CAMTA1: variants seen among roughly 807,000 people sequenced by gnomAD.
The protein encoded by CAMTA1 is calmodulin-binding transcription activator 1.
In CAMTA1, 27 loss-of-function variants were observed where a neutral mutation model predicts 170.9. That is an observed-to-expected ratio of 0.16 (90% confidence interval 0.12 to 0.22). The LOEUF is 0.22. CAMTA1 is among the 10% of genes least tolerant of loss of function. The pLI, the probability that CAMTA1 is intolerant of heterozygous loss-of-function variation, is 1.00. For synonymous variants in CAMTA1, 833 were observed against 891.5 expected (o/e 0.93, Z 1.17); for missense variants, 1,619 against 2,217.2 (o/e 0.73, Z 5.42).
At chr1:7,691,948 G>GAGGGAAGGAAGGGAGGGAGGA (rs2096318607) in intron 11 of CAMTA1, among the ~76,000 whole-genome samples, 1 of 143,510 alleles carries the variant, frequency 7.0e-6, no homozygotes, top group Admixed American at 6.9e-5. Flanking sequence ...TTCTTCAAGG[G>GAGGGAAGGAAGGGAGGGAGGA]AGGGAAGGAA....
At chr1:6,922,849 T>C (rs1358790458) in intron 3 of CAMTA1, among the ~76,000 whole-genome samples, 1 of 152,158 alleles carries the variant, frequency 6.6e-6, no homozygotes. Flanking sequence ...GGCCAGGTTT[T>C]AATTTGGAGC....
intron 5 of CAMTA1, among the ~76,000 whole-genome samples, chr1:7,307,954 A>T (rs1291520557): frequency 6.6e-6 from 1 of 151,926 alleles, no homozygotes; most frequent in Non-Finnish European, 1.5e-5. Context: ...ATTTAGTAAA[A>T]TTTGTCAGGG....
intron 4 of CAMTA1, among the ~76,000 whole-genome samples, chr1:7,240,785 C>T (rs142408963): frequency 1.3e-5 from 2 of 152,248 alleles, no homozygotes; most frequent in East Asian, 1.9e-4. Context: ...AGATTACACA[C>T]GTGAGCCACC....
chr1:7,297,718 T>C (rs901983123), intron 5 of CAMTA1, among the ~76,000 whole-genome samples: 4 of 152,240 alleles, frequency 2.6e-5, no homozygotes, highest in Non-Finnish European at 5.9e-5. Flanking sequence ...TCCTATAATC[T>C]AGGCTGCTGT....
At chr1:7,526,065 T>C (rs1292156352) in intron 6 of CAMTA1, among the ~76,000 whole-genome samples, 2 of 152,004 alleles carry the variant, frequency 1.3e-5, no homozygotes, top group African/African-American at 2.4e-5. Context: ...TCAAGATTAA[T>C]GCAAAAAATC....
intron 5 of CAMTA1, among the ~76,000 whole-genome samples, chr1:7,416,737 T>C (rs965762361): frequency 6.6e-6 from 1 of 152,256 alleles, no homozygotes; most frequent in Non-Finnish European, 1.5e-5. Flanking sequence ...AGTTTGATTG[T>C]CTGAAGACTT....
intron 3 of CAMTA1, among the ~76,000 whole-genome samples, chr1:6,994,918 T>G (rs1020156527): frequency 6.6e-6 from 1 of 152,204 alleles, no homozygotes; most frequent in African/African-American, 2.4e-5. Context: ...TCCTCCCGCC[T>G]TGGCCTCTCA....
intron 4 of CAMTA1, among the ~76,000 whole-genome samples, chr1:7,175,409 C>T (rs1650585324): frequency 1.3e-5 from 2 of 152,206 alleles, no homozygotes; most frequent in Non-Finnish European, 1.5e-5. Flanking sequence ...TCAAGAAAGC[C>T]AGAGTATCTT....
intron 3 of CAMTA1, among the ~76,000 whole-genome samples, chr1:6,840,600 T>C (rs1025339483): frequency 6.6e-6 from 1 of 151,942 alleles, no homozygotes; most frequent in Non-Finnish European, 1.5e-5. Flanking sequence ...GACACCAGAG[T>C]GATGATGTTG....
intron 3 of CAMTA1, among the ~76,000 whole-genome samples, chr1:6,863,127 C>G (rs1665377664): frequency 6.6e-6 from 1 of 152,180 alleles, no homozygotes; most frequent in Admixed American, 6.5e-5. Context: ...ACGTCCCTCA[C>G]TATACGGTGT....
chr1:7,077,818 C>T lies in CAMTA1; in HGVS notation c.235-13486C>T, dbSNP rs560431039. On this transcript the variant is annotated intron_variant, in intron 3 of 22. Transcript: ENST00000303635. ...GCAAAATGCCCACTTCTGCTGTGTT[C>T]CTGTAGGCACCAGAGCTGTTGTCTG... Among the ~76,000 whole-genome samples the T allele has an allele frequency of 4.5e-4, 69 of 152,208 alleles. 1 individual carries two copies. Among genetic ancestry groups the T allele is most frequent in the African/African-American group, 1.6e-3 (68 of 41,522 alleles).
chr1:7,272,712 AAAAAG>A (rs1553297771), intron 5 of CAMTA1, among the ~76,000 whole-genome samples: 64 of 109,932 alleles, frequency 5.8e-4, no homozygotes, highest in East Asian at 2.2e-3. Flanking sequence ...AAAAAAAAAA[AAAAAG>A]AAAAGAAAAG....
At chr1:6,865,626 A>T (rs1338055881) in intron 3 of CAMTA1, among the ~76,000 whole-genome samples, 1 of 152,246 alleles carries the variant, frequency 6.6e-6, no homozygotes, top group Non-Finnish European at 1.5e-5. Flanking sequence ...CAGTATAATC[A>T]TAGTAATCAC....
intron 3 of CAMTA1, among the ~76,000 whole-genome samples, chr1:7,075,136 C>T (rs1194853163): frequency 6.6e-6 from 1 of 152,180 alleles, no homozygotes; most frequent in African/African-American, 2.4e-5. Flanking sequence ...TGTGTTCTCT[C>T]CTACCGCTGA....
chr1:7,403,637 C>T (rs887240970), intron 5 of CAMTA1, among the ~76,000 whole-genome samples: 5 of 152,104 alleles, frequency 3.3e-5, no homozygotes, highest in African/African-American at 4.8e-5. Context: ...GTGGTGCTAC[C>T]GGCAAAGGTG....
At chr1:7,032,264 C>G (rs1702919987) in intron 3 of CAMTA1, among the ~76,000 whole-genome samples, 1 of 152,166 alleles carries the variant, frequency 6.6e-6, no homozygotes, top group Admixed American at 6.5e-5. Flanking sequence ...TGCACCCGGC[C>G]CCTTTTCTCT....
intron 11 of CAMTA1, among the ~76,000 whole-genome samples, chr1:7,689,435 G>T (rs1415098397): frequency 6.6e-6 from 1 of 151,482 alleles, no homozygotes; most frequent in East Asian, 1.9e-4. Context: ...TTAGCCAGGT[G>T]TGGTGGCACA....
intron 6 of CAMTA1, among the ~76,000 whole-genome samples, chr1:7,492,599 G>GCACACA (rs1327204408): frequency 2.2e-4 from 32 of 146,170 alleles, no homozygotes; most frequent in East Asian, 6.0e-4. Flanking sequence ...ACACACGCGT[G>GCACACA]CACACACACA....
intron 6 of CAMTA1, among the ~76,000 whole-genome samples, chr1:7,555,641 C>T (rs1038383494): frequency 7.9e-5 from 12 of 152,158 alleles, no homozygotes; most frequent in Non-Finnish European, 1.0e-4. Flanking sequence ...CTGGCTCCCA[C>T]GGAGCTCCAG....
Sources: allele counts gnomAD v4.1 joint callset (sites outside exome capture counted in the v4.1 genomes callset), GRCh38; gene constraint gnomAD v4.1.1; transcripts MANE v1.5; gene names NCBI Gene and HGNC (gene_info 2026-07-23, HGNC 2026-07-21).